MCUR1: variants seen among roughly 807,000 people sequenced by gnomAD.
MCUR1 encodes MCU regulator 1.
A neutral mutation model predicts 42.0 loss-of-function variants in MCUR1; 37 were observed. The ratio of observed to expected loss-of-function variants is 0.88; its 90% CI spans 0.68 to 1.16. The LOEUF (loss-of-function observed/expected upper bound fraction) is 1.16, where lower values mean the gene tolerates loss of function less well. Ranked by LOEUF, MCUR1 falls within the 50% of genes most tolerant of loss-of-function variation. The pLI, the probability that MCUR1 is intolerant of heterozygous loss-of-function variation, is 0.00. For synonymous variants in MCUR1, 229 were observed against 196.2 expected (o/e 1.17, Z -1.40); for missense variants, 469 against 468.4 (o/e 1.00, Z -0.01).
rs568413808 is a variant in MCUR1, at chr6:13,796,382, G to A, written c.856-2435C>T. Among the ~76,000 whole-genome samples the A allele has an allele frequency of 2.7e-4, 41 of 151,298 alleles. No individual in the cohort carries two copies. The East Asian group carries it at 7.4e-3, about 27-fold the overall frequency. The stretch of plus-strand genomic sequence containing the variant: ...GGCTCACTGCAATCTCTGCCTCCTG[G>A]GTTCAAATGATTCTTCTGCCTCAGT... On this transcript the variant is annotated intron_variant, in intron 6 of 8. Coordinates refer to ENST00000379170, the MANE Select transcript of MCUR1 (RefSeq NM_001031713.4).
rs990735350 is a variant in MCUR1, at chr6:13,813,947, C to G, written c.415+68G>C. ...GGGCCTTTCCTCGGGGAGGCTGTAG[C>G]TGAGATCCCCGCCCCGCCGTCCAAC... is the stretch of plus-strand genomic sequence containing the variant. On this transcript the variant is annotated intron_variant, in intron 1 of 8. Transcript: ENST00000379170. 2.5e-6 allele frequency: 3 copies of G among 1,219,464 alleles called. No homozygotes were observed. In the African/African-American group the frequency reaches 4.7e-5, roughly 19 times the overall value. 75.5% of individuals were successfully genotyped at this position (1,219,464 alleles called of 1,614,324 possible).
intron 6 of MCUR1, among the ~76,000 whole-genome samples, chr6:13,794,764 C>A (rs1431579899): frequency 6.6e-6 from 1 of 151,842 alleles, no homozygotes; most frequent in African/African-American, 2.4e-5. Context: ...AATTCTCCTG[C>A]CTTAGCCTCC....
At chr6:13,791,196 T>C (rs1032926522) in intron 8 of MCUR1, among the ~76,000 whole-genome samples, 7 of 152,176 alleles carry the variant, frequency 4.6e-5, no homozygotes, top group African/African-American at 1.4e-4. Flanking sequence ...GATGACACCA[T>C]GCCCGGCTAA....
chr6:13,797,860 C>T (rs971796541), intron 6 of MCUR1, among the ~76,000 whole-genome samples: 2 of 151,352 alleles, frequency 1.3e-5, no homozygotes, highest in Admixed American at 6.6e-5. Context: ...CCTGTCTCTA[C>T]TAAAAATATA....
Position 13,801,378 on chromosome 6 carries a change from A to G in MCUR1, c.651T>C (p.Phe217=). ...TCGCAATCTGAGACATTACTTGCTGAAAAGTGATTTCCTAGGAAAAGAAAA... is the reference window on the plus strand; with the variant it reads ...TCGCAATCTGAGACATTACTTGCTGGAAAGTGATTTCCTAGGAAAAGAAAA... ...MVTKMQQEIT[F]QQVMSQIANV... Residue 217 remains phenylalanine, a synonymous_variant, in exon 4 of 9, where the codon TTT becomes TTC. Coordinates refer to ENST00000379170, the MANE Select transcript of MCUR1 (RefSeq NM_001031713.4). 3 of 1,610,212 alleles carry G rather than the reference A, an allele frequency of 1.9e-6. No homozygotes were observed. The highest frequency in any genetic ancestry group is 2.5e-6 in the Non-Finnish European group (3 of 1,178,634).
Position 13,800,346 on chromosome 6 carries a change from CTTG to C in MCUR1, c.775_777del (p.Gln259del), listed in dbSNP as rs747853244. ...AACAGGAAAGTGAATCTTACCATTA[CTTG>C]TTGTTTTAACTGATGTAGTTCGAGT... On this transcript the variant is annotated inframe_deletion, in exon 5 of 9. Transcript: ENST00000379170. The C allele has an allele frequency of 1.2e-5, 19 of 1,573,212 alleles. No individual in the cohort carries two copies. The highest frequency in any genetic ancestry group is 1.6e-5 in the Non-Finnish European group (19 of 1,154,010).
chr6:13,804,650 T>G (rs1386518133), intron 2 of MCUR1, among the ~76,000 whole-genome samples: 1 of 151,772 alleles, frequency 6.6e-6, no homozygotes, highest in East Asian at 1.9e-4. Flanking sequence ...GGCAGGCGCC[T>G]GTAGTCCCAG....
intron 2 of MCUR1, among the ~76,000 whole-genome samples, chr6:13,805,445 C>A (rs148716232): frequency 8.5e-5 from 13 of 152,324 alleles, no homozygotes; most frequent in Non-Finnish European, 1.8e-4. Flanking sequence ...AAAGTTCATT[C>A]ATGCGTATTA....
intron 6 of MCUR1, 49 bp downstream of exon 6, chr6:13,798,784 A>C: frequency 6.9e-7 from 1 of 1,451,998 alleles, no homozygotes; most frequent in Non-Finnish European, 9.6e-7. Context: ...CAAGCATTCC[A>C]TTCCAAAAAT....
At chr6:13,796,497 G>A (rs1224284868) in intron 6 of MCUR1, among the ~76,000 whole-genome samples, 1 of 151,998 alleles carries the variant, frequency 6.6e-6, no homozygotes, top group African/African-American at 2.4e-5. Flanking sequence ...CGTTGGCCAG[G>A]CTGGCCTCGA....
At chr6:13,810,061 T>C (rs142973480) in intron 1 of MCUR1, among the ~76,000 whole-genome samples, 2,874 of 151,788 alleles carry the variant, frequency 0.019, 96 homozygotes, top group African/African-American at 0.064. Flanking sequence ...AAATTAGCCA[T>C]GCGTGGTGGC....
intron 2 of MCUR1, 85 bp from the exon 3 acceptor site, chr6:13,802,431 T>TC: frequency 1.9e-6 from 2 of 1,070,602 alleles, no homozygotes; most frequent in South Asian, 2.6e-5. Context: ...AATGTCCAAA[T>TC]CCAGGAGGAA....
rs544105341 is a variant in MCUR1 at position 13,795,018 on chromosome 6, AACT to A, written c.856-1074_856-1072del. Reference sequence around the variant, plus strand: ...AGTAATTTGAATGACGACTTTTAAGAACTACATTAACCTTGTTATAGAAAGAAA... The same window carrying A: ...AGTAATTTGAATGACGACTTTTAAGAACATTAACCTTGTTATAGAAAGAAA... On this transcript the variant is annotated intron_variant, in intron 6 of 8. Coordinates refer to ENST00000379170, the MANE Select transcript of MCUR1 (RefSeq NM_001031713.4). 2.5e-3 allele frequency among the ~76,000 whole-genome samples: 383 copies of A among 152,258 alleles called. 2 individuals carry two copies. The highest frequency in any genetic ancestry group is 9.1e-3 in the African/African-American group (377 of 41,558).
chr6:13,802,273 G>A lies in MCUR1; in HGVS notation c.609C>T (p.Val203=). 3 of 1,613,854 alleles carry A rather than the reference G, an allele frequency of 1.9e-6. No homozygotes were observed. Among genetic ancestry groups the A allele is most frequent in the Non-Finnish European group, 2.5e-6 (3 of 1,179,858 alleles). The change falls in exon 3 of 9, where the codon GTC becomes GTT. Residue 203 remains valine (V), a synonymous_variant. Coordinates refer to ENST00000379170, the MANE Select transcript of MCUR1 (RefSeq NM_001031713.4). ...GCATCTTGGTGACCATATCTTTGTA[G>A]ACGATGTCCATGTTGGCCTCCAGGA... ...VKILEANMDI[V]YKDMVTKMQQ...
rs1350342468 is a variant in MCUR1 at position 13,787,034 on chromosome 6, T to C, written c.*3775A>G. On this transcript the variant is annotated 3_prime_UTR_variant, in exon 9 of 9. Coordinates refer to ENST00000379170, the MANE Select transcript of MCUR1 (RefSeq NM_001031713.4). ...ATCAAAGTTTTCTAGATATGAATTCTATATACCATCTCTATATTTGTTTAG... is the reference window on the plus strand; with the variant it reads ...ATCAAAGTTTTCTAGATATGAATTCCATATACCATCTCTATATTTGTTTAG... 1 of 152,244 alleles carries C rather than the reference T, an allele frequency of 6.6e-6. No individual in the cohort carries two copies. The highest frequency in any genetic ancestry group is 2.4e-5 in the African/African-American group (1 of 41,460). 9.4% of individuals were successfully genotyped at this position (152,244 alleles called of 1,614,324 possible). A position where few individuals can be genotyped will look rare whatever the true frequency, so the allele number is the denominator to read the frequency against.
In MCUR1 at chr6:13,789,775, C is replaced by T. The variant is rs1405407957; in HGVS notation, c.*1034G>A. On this transcript the variant is annotated 3_prime_UTR_variant, in exon 9 of 9. Transcript: ENST00000379170. Reference sequence around the variant, plus strand: ...AGGTTTTCTAGGTAGGTAATGCCACCAGTGGAGGATTATTACAGTTCTCAA... The same window carrying T: ...AGGTTTTCTAGGTAGGTAATGCCACTAGTGGAGGATTATTACAGTTCTCAA... 6.6e-6 allele frequency: 1 copy of T among 151,972 alleles called. No individual in the cohort carries two copies. The highest frequency in any genetic ancestry group is 1.5e-5 in the Non-Finnish European group (1 of 67,994). 9.4% of individuals were successfully genotyped at this position (151,972 alleles called of 1,614,324 possible).
chr6:13,803,115 G>A (rs1226325268), intron 2 of MCUR1, among the ~76,000 whole-genome samples: 1 of 152,004 alleles, frequency 6.6e-6, no homozygotes, highest in Non-Finnish European at 1.5e-5. Flanking sequence ...AGGCTGGAGT[G>A]CAATGGCGCG....
At position 13,791,991 on chromosome 6, in the gene MCUR1, T is replaced by C. The variant is rs1284889898; in HGVS notation, c.911A>G (p.His304Arg). Residue 304 changes from histidine (H) to arginine (R), a missense_variant and splice_region_variant, in exon 8 of 9, where the codon CAT becomes CGT. Transcript: ENST00000379170. ...GGTAAGGGCCCGATCTTGCTGGGCA[T>C]GCTTTTAAAATGAAGAGAGTCACAG... is the stretch of plus-strand genomic sequence containing the variant. ...LELRTEIVAL[H>R]AQQDRALTQT... 1.2e-6 allele frequency: 2 copies of C among 1,613,022 alleles called. No homozygotes were observed. The highest frequency in any genetic ancestry group is 1.7e-6 in the Non-Finnish European group (2 of 1,179,260).
In MCUR1 at chr6:13,788,955, C is replaced by T. The variant is rs1332973236; in HGVS notation, c.*1854G>A. On this transcript the variant is annotated 3_prime_UTR_variant, in exon 9 of 9. Coordinates refer to ENST00000379170, the MANE Select transcript of MCUR1 (RefSeq NM_001031713.4). ...GACAAAAGGTAACTATTTTTTTTAC[C>T]AATGTGGTTGGAACAGTGACAACGA... The T allele has an allele frequency of 6.6e-6, 1 of 151,834 alleles. No homozygotes were observed. The highest frequency in any genetic ancestry group is 1.5e-5 in the Non-Finnish European group (1 of 67,942). 9.4% of individuals were successfully genotyped at this position (151,834 alleles called of 1,614,324 possible).
Sources: allele counts gnomAD v4.1 joint callset (sites outside exome capture counted in the v4.1 genomes callset), GRCh38; gene constraint gnomAD v4.1.1; transcripts MANE v1.5; gene names NCBI Gene and HGNC (gene_info 2026-07-23, HGNC 2026-07-21).